NCAPG: variants seen among roughly 807,000 people sequenced by gnomAD.
NCAPG encodes non-SMC condensin I complex subunit G, also known as condensin complex subunit 3.
In NCAPG, 69 loss-of-function variants were observed where a neutral mutation model predicts 113.1. The ratio of observed to expected loss-of-function variants is 0.61; its 90% confidence interval spans 0.50 to 0.75. The LOEUF (loss-of-function observed/expected upper bound fraction) is 0.75. Among genes scored for constraint, NCAPG ranks in the 30% least tolerant of loss-of-function variants. The pLI, the probability that NCAPG is intolerant of heterozygous loss-of-function variation, is 0.00. For missense variants in NCAPG, 1,058 were observed against 1,177.0 expected (o/e 0.90, Z 1.48); for synonymous variants, 370 against 415.8 (o/e 0.89, Z 1.34).
intron 15 of NCAPG, 121 bp from the exon 16 acceptor site, chr4:17,837,506 C>T (rs1722150704): frequency 7.6e-7 from 1 of 1,320,558 alleles, no homozygotes; most frequent in Admixed American, 2.3e-5. Context: ...GAATTTTTGG[C>T]TCTTTCCTAG....
rs1721248996 is a variant in NCAPG at position 17,817,281 on chromosome 4, C to T, written c.796C>T (p.Gln266Ter). The T allele has an allele frequency of 1.9e-6, 3 of 1,613,620 alleles. No homozygotes were observed. The highest frequency in any genetic ancestry group is 2.5e-6 in the Non-Finnish European group (3 of 1,179,754). The change falls in exon 6 of 21, where the codon CAG (glutamine) becomes TAG (stop). Residue 266 changes from glutamine (Q) to a stop codon, truncating the protein, a stop_gained. Transcript: ENST00000251496. LOFTEE classifies it high-confidence loss of function. ...DRSDAVKQAM[Q>*]KHLLQGWLRF... ...AATAGATGCTGTGAAACAAGCTATG[C>T]AGAAGCATCTTCTTCAAGGCTGGTT...
intron 12 of NCAPG, 136 bp from the exon 13 acceptor site, chr4:17,830,861 G>A: frequency 6.1e-6 from 5 of 823,484 alleles, no homozygotes; most frequent in Non-Finnish European, 9.3e-6. Context: ...AGGTCACTCT[G>A]GCTATATTGT....
chr4:17,839,826 G>A lies in NCAPG; in HGVS notation c.2617G>A (p.Glu873Lys). The A allele has an allele frequency of 6.3e-7, 1 of 1,581,260 alleles. No individual in the cohort carries two copies. Among genetic ancestry groups the A allele is most frequent in the South Asian group, 1.2e-5 (1 of 84,070 alleles). Reference protein sequence around the residue: ...LAKDLLVLLNEILEQVKDRTC... With the variant: ...LAKDLLVLLNKILEQVKDRTC... Reference sequence around the variant, plus strand: ...AAAAGATCTTCTGGTTCTATTGAATGAGATTCTGGAGGTAAAGTAGTTTCT... The same window carrying A: ...AAAAGATCTTCTGGTTCTATTGAATAAGATTCTGGAGGTAAAGTAGTTTCT... The change falls in exon 17 of 21, where the codon GAG becomes AAG. Residue 873 changes from glutamate (E) to lysine (K), a missense_variant. Transcript: ENST00000251496.
At chr4:17,833,224 A>T (rs1479582025) in intron 13 of NCAPG, among the ~76,000 whole-genome samples, 2 of 152,050 alleles carry the variant, frequency 1.3e-5, no homozygotes, top group African/African-American at 4.8e-5. Context: ...TACAAAAATT[A>T]GCCAGGCATG....
At chr4:17,843,111 T>G (rs983323065) in intron 20 of NCAPG, 191 bp from the exon 21 acceptor site, 3 of 498,836 alleles carry the variant, frequency 6.0e-6, no homozygotes, top group African/African-American at 4.0e-5. Context: ...AGATTTTCCC[T>G]GATTCACTTT....
At chr4:17,831,217 ATGAT>A in intron 13 of NCAPG, 101 bp downstream of exon 13, 3 of 1,208,618 alleles carry the variant, frequency 2.5e-6, no homozygotes. Flanking sequence ...CTTATTGATG[ATGAT>A]TATTATGGAT....
intron 14 of NCAPG, among the ~76,000 whole-genome samples, chr4:17,835,252 G>T (rs1203008634): frequency 6.6e-6 from 1 of 152,102 alleles, no homozygotes; most frequent in East Asian, 1.9e-4. Flanking sequence ...CTGTCATCAG[G>T]CTGGAGTGCA....
chr4:17,836,881 A>G lies in NCAPG; in HGVS notation c.2110-278A>G, dbSNP rs1346832817. ...ATATGTTTTGCTCTTTTTTTCCAAC[A>G]GTTATAAAAGGCCTTTTGGTTCTTC... On this transcript the variant is annotated intron_variant, in intron 14 of 20. Coordinates refer to ENST00000251496, the MANE Select transcript of NCAPG (RefSeq NM_022346.5). Among the ~76,000 whole-genome samples the G allele has an allele frequency of 2.0e-5, 3 of 152,244 alleles. No individual in the cohort carries two copies. In the East Asian group the frequency reaches 5.8e-4, roughly 29 times the overall value.
chr4:17,831,082 AT>A lies in NCAPG; in HGVS notation c.1854del (p.Phe618LeufsTer20). The A allele has an allele frequency of 1.9e-6, 3 of 1,613,704 alleles. No homozygotes were observed. Among genetic ancestry groups the A allele is most frequent in the Non-Finnish European group, 2.5e-6 (3 of 1,179,844 alleles). ...CLGCCGLQNQ[D>X]FARKHFVLLL... is the part of the protein sequence containing the mutation. ...GGATGCTGTGGACTACAGAATCAGGATTTTGCAAGGAAACACTTCGTATTAC... is the reference window on the plus strand; with the variant it reads ...GGATGCTGTGGACTACAGAATCAGGATTTGCAAGGAAACACTTCGTATTAC... On this transcript the variant is annotated frameshift_variant, in exon 13 of 21. Coordinates refer to ENST00000251496, the MANE Select transcript of NCAPG (RefSeq NM_022346.5). LOFTEE classifies it high-confidence loss of function.
chr4:17,825,916 G>A (rs1296352306), intron 11 of NCAPG, among the ~76,000 whole-genome samples: 1 of 152,022 alleles, frequency 6.6e-6, no homozygotes, highest in Non-Finnish European at 1.5e-5. Flanking sequence ...CCTCTTATTT[G>A]TGGAGGATCA....
rs766564652 is a variant in NCAPG, at chr4:17,828,297, A to G, written c.1673A>G (p.Gln558Arg). ...HIEKNDAETLQKCLILCYELL... is the reference protein window; with the variant it reads ...HIEKNDAETLRKCLILCYELL... ...TTTTAGAATGATGCTGAAACATTGC[A>G]GAAATGTCTTATTTTATGCTATGAA... The change falls in exon 12 of 21, where the codon CAG (glutamine) becomes CGG (arginine). Residue 558 changes from glutamine (Q) to arginine (R), a missense_variant. Gln to Arg is a conservative substitution (Grantham distance 43). Transcript: ENST00000251496. 6.2e-6 allele frequency: 10 copies of G among 1,609,750 alleles called. No individual in the cohort carries two copies. In the Admixed American group the frequency reaches 1.3e-4, roughly 22 times the overall value.
Position 17,834,455 on chromosome 4 carries a change from A to G in NCAPG, c.2041A>G (p.Lys681Glu), listed in dbSNP as rs1308913910. ...EINSDDEQES[K>E]EVEETATAKN... is the part of the protein sequence containing the mutation. ...AAACAGTGATGATGAGCAAGAATCA[A>G]AAGAAGTTGAAGAGACTGCTACAGC... The change falls in exon 14 of 21, where the codon AAA (lysine) becomes GAA (glutamate). Residue 681 changes from lysine to glutamate, a missense_variant. Lys to Glu is a moderately conservative substitution (Grantham distance 56). Coordinates refer to ENST00000251496, the MANE Select transcript of NCAPG (RefSeq NM_022346.5). 1 of 1,611,072 alleles carries G rather than the reference A, an allele frequency of 6.2e-7. No individual in the cohort carries two copies. Among genetic ancestry groups the G allele is most frequent in the Non-Finnish European group, 8.5e-7 (1 of 1,178,552 alleles).
chr4:17,817,227 C>A, intron 5 of NCAPG, 34 bp from the exon 6 acceptor site: 3 of 1,508,230 alleles, frequency 2.0e-6, no homozygotes, highest in Non-Finnish European at 2.7e-6. Flanking sequence ...CTAGAGGGAG[C>A]CTTTGTTCAC....
chr4:17,840,280 T>G (rs994191657), intron 18 of NCAPG, 71 bp downstream of exon 18: 18 of 1,424,652 alleles, frequency 1.3e-5, no homozygotes, highest in Non-Finnish European at 1.5e-5. Context: ...AGACATATTT[T>G]TTTCTACTCT....
At chr4:17,836,215 G>C (rs1027628799) in intron 14 of NCAPG, among the ~76,000 whole-genome samples, 10 of 152,140 alleles carry the variant, frequency 6.6e-5, no homozygotes, top group Non-Finnish European at 7.4e-5. Context: ...AATGACTAGT[G>C]ATGTTGAGTA....
intron 9 of NCAPG, 97 bp downstream of exon 9, chr4:17,823,867 GT>G: frequency 9.7e-7 from 1 of 1,030,440 alleles, no homozygotes; most frequent in Non-Finnish European, 1.4e-6. Context: ...TGTCTGTTTT[GT>G]TTTAGGTTCG....
In NCAPG at chr4:17,842,307, A is replaced by C; in HGVS notation, c.2855-3A>C. 1 of 1,611,396 alleles carries C rather than the reference A, an allele frequency of 6.2e-7. No individual in the cohort carries two copies. The highest frequency in any genetic ancestry group is 8.5e-7 in the Non-Finnish European group (1 of 1,177,922). Reference sequence around the variant, plus strand: ...CCTGATAATGAATTATACTATCTTCAAGGACAGAGAAAAGTGACAGTTTCA... The same window carrying C: ...CCTGATAATGAATTATACTATCTTCCAGGACAGAGAAAAGTGACAGTTTCA... On this transcript the variant is annotated splice_polypyrimidine_tract_variant and splice_region_variant and intron_variant, in intron 19 of 20. Transcript: ENST00000251496.
intron 7 of NCAPG, among the ~76,000 whole-genome samples, chr4:17,818,434 C>T (rs1337260965): frequency 1.3e-5 from 2 of 152,108 alleles, no homozygotes; most frequent in Admixed American, 1.3e-4. Context: ...TGGGCCATAC[C>T]GTCTGTCACA....
chr4:17,816,576 C>T (rs1460750669), intron 5 of NCAPG, among the ~76,000 whole-genome samples: 1 of 152,178 alleles, frequency 6.6e-6, no homozygotes, highest in East Asian at 1.9e-4. Flanking sequence ...AAAGCTAAGA[C>T]TAAGGTTTGT....
Sources: allele counts gnomAD v4.1 joint callset (sites outside exome capture counted in the v4.1 genomes callset), GRCh38; gene constraint gnomAD v4.1.1; transcripts MANE v1.5; gene names NCBI Gene and HGNC (gene_info 2026-07-23, HGNC 2026-07-21).